LEKR1: variants seen among roughly 807,000 people sequenced by gnomAD.
The protein encoded by LEKR1 is leucine, glutamate and lysine rich 1, also known as protein LEKR1.
In LEKR1, 59 loss-of-function variants were observed where a neutral mutation model predicts 72.4. That is an observed-to-expected ratio of 0.82 (90% CI 0.66 to 1.01). The LOEUF (loss-of-function observed/expected upper bound fraction) is 1.01. LEKR1 is among the 50% of genes least tolerant of loss of function. The pLI is 0.00. For synonymous variants in LEKR1, 257 were observed against 263.2 expected (o/e 0.98, Z 0.23); for missense variants, 728 against 759.2 (o/e 0.96, Z 0.48).
At chr3:156,991,979 A>G (rs927311242) in intron 7 of LEKR1, among the ~76,000 whole-genome samples, 1 of 152,186 alleles carries the variant, frequency 6.6e-6, no homozygotes, top group Non-Finnish European at 1.5e-5. Context: ...AGAGTGGTGA[A>G]GTGGTGTTGC....
At chr3:156,926,648 A>G (rs979025595) in intron 4 of LEKR1, among the ~76,000 whole-genome samples, 3 of 151,916 alleles carry the variant, frequency 2.0e-5, no homozygotes, top group African/African-American at 7.2e-5. Context: ...CCATTTCTCC[A>G]ACTGAGGAGG....
chr3:156,970,802 A>G (rs1354023950), intron 6 of LEKR1, among the ~76,000 whole-genome samples: 2 of 152,200 alleles, frequency 1.3e-5, no homozygotes, highest in Non-Finnish European at 2.9e-5. Flanking sequence ...GGACCTCTTC[A>G]AGGAGAATTA....
intron 3 of LEKR1, among the ~76,000 whole-genome samples, chr3:156,907,840 C>CT (rs1052142798): frequency 4.4e-4 from 67 of 151,428 alleles, no homozygotes; most frequent in African/African-American, 1.5e-3. Flanking sequence ...TCAATAATAT[C>CT]TTTTTTTTTC....
At chr3:156,900,105 G>A (rs1209525636) in intron 3 of LEKR1, among the ~76,000 whole-genome samples, 1 of 152,020 alleles carries the variant, frequency 6.6e-6, no homozygotes, top group African/African-American at 2.4e-5. Flanking sequence ...AAACAGACTG[G>A]TGGGGGGAAC....
chr3:156,901,269 G>A (rs1293476012), intron 3 of LEKR1, among the ~76,000 whole-genome samples: 2 of 151,080 alleles, frequency 1.3e-5, no homozygotes, highest in African/African-American at 4.9e-5. Context: ...TACTTGTGAT[G>A]CAAGCATATT....
intron 7 of LEKR1, among the ~76,000 whole-genome samples, chr3:156,986,475 T>C (rs1188405580): frequency 6.6e-6 from 1 of 152,148 alleles, no homozygotes; most frequent in African/African-American, 2.4e-5. Flanking sequence ...GAGAGAAATA[T>C]ATGTCAGAGG....
intron 1 of LEKR1, 105 bp from the exon 2 acceptor site, chr3:156,829,181 G>A (rs1712038729): frequency 3.5e-6 from 2 of 574,364 alleles, no homozygotes; most frequent in Non-Finnish European, 6.2e-6. Flanking sequence ...TGTTGAAACA[G>A]TTATCACCAT....
At chr3:156,871,794 A>T (rs1717990577) in intron 3 of LEKR1, among the ~76,000 whole-genome samples, 1 of 152,030 alleles carries the variant, frequency 6.6e-6, no homozygotes, top group Non-Finnish European at 1.5e-5. Flanking sequence ...ATTCCATTTG[A>T]TTATGATGTA....
chr3:156,830,960 T>C (rs1357651347), intron 2 of LEKR1, among the ~76,000 whole-genome samples: 1 of 152,230 alleles, frequency 6.6e-6, no homozygotes, highest in Non-Finnish European at 1.5e-5. Context: ...TTCTTTTTTA[T>C]TGTTTTTGTA....
chr3:157,045,706 C>CA lies in LEKR1; in HGVS notation c.2036dup (p.Arg680GlufsTer7). ...AGCATCTTCAGCAAATGAGACTAGA[C>CA]AGAGACTGGCTGCCATTCTTAGGAG... is the stretch of plus-strand genomic sequence containing the variant. On this transcript the variant is annotated frameshift_variant, in exon 13 of 13. Coordinates refer to ENST00000356539, the MANE Select transcript of LEKR1 (RefSeq NM_001004316.3). LOFTEE classifies it high-confidence loss of function. 2.5e-6 allele frequency: 4 copies of CA among 1,612,624 alleles called. No homozygotes were observed. The highest frequency in any genetic ancestry group is 2.2e-5 in the East Asian group (1 of 44,874).
intron 7 of LEKR1, among the ~76,000 whole-genome samples, chr3:156,989,349 A>G (rs1730968684): frequency 6.6e-6 from 1 of 152,220 alleles, no homozygotes; most frequent in African/African-American, 2.4e-5. Flanking sequence ...CTATTCACAC[A>G]CAGTTATTTC....
At chr3:156,953,360 T>G (rs1030610515) in intron 6 of LEKR1, among the ~76,000 whole-genome samples, 10 of 151,606 alleles carry the variant, frequency 6.6e-5, no homozygotes, top group African/African-American at 2.4e-4. Flanking sequence ...AATTTTTATT[T>G]TAAGTTCTGG....
chr3:156,962,923 C>A (rs537092763), intron 6 of LEKR1, among the ~76,000 whole-genome samples: 1 of 152,132 alleles, frequency 6.6e-6, no homozygotes, highest in Non-Finnish European at 1.5e-5. Flanking sequence ...TTTGCCTTTT[C>A]TTTAACTGTA....
intron 7 of LEKR1, among the ~76,000 whole-genome samples, chr3:156,984,902 G>C (rs964307070): frequency 1.3e-5 from 2 of 151,906 alleles, no homozygotes; most frequent in African/African-American, 2.4e-5. Flanking sequence ...GCATCTGACA[G>C]TTGACCAATC....
chr3:156,853,518 G>C (rs1198242898), intron 3 of LEKR1, among the ~76,000 whole-genome samples: 1 of 152,032 alleles, frequency 6.6e-6, no homozygotes, highest in Non-Finnish European at 1.5e-5. Flanking sequence ...GCCTACACAG[G>C]AGAGTTTTTG....
chr3:156,930,842 G>A (rs1237125449), intron 5 of LEKR1, among the ~76,000 whole-genome samples: 2 of 152,070 alleles, frequency 1.3e-5, no homozygotes, highest in African/African-American at 2.4e-5. Flanking sequence ...AATTGTGCTG[G>A]TATGACTGAA....
intron 3 of LEKR1, among the ~76,000 whole-genome samples, chr3:156,871,753 A>T (rs1717987085): frequency 6.6e-6 from 1 of 152,040 alleles, no homozygotes; most frequent in African/African-American, 2.4e-5. Flanking sequence ...TGATTTGTGT[A>T]TGTTGAACCA....
chr3:156,914,227 A>G (rs930563490), intron 3 of LEKR1, among the ~76,000 whole-genome samples: 25 of 152,210 alleles, frequency 1.6e-4, no homozygotes, highest in African/African-American at 5.8e-4. Flanking sequence ...GGTTTGTTAC[A>G]TAAGTATACA....
At chr3:156,980,459 G>A (rs1730088766) in intron 7 of LEKR1, among the ~76,000 whole-genome samples, 2 of 152,034 alleles carry the variant, frequency 1.3e-5, no homozygotes, top group Admixed American at 6.6e-5. Context: ...AGATGGCTGG[G>A]GTTGAAGGAA....
Sources: allele counts gnomAD v4.1 joint callset (sites outside exome capture counted in the v4.1 genomes callset), GRCh38; gene constraint gnomAD v4.1.1; transcripts MANE v1.5; gene names NCBI Gene and HGNC (gene_info 2026-07-23, HGNC 2026-07-21).